Variants in SYNPO2 observed in about 807,000 individuals in gnomAD.
SYNPO2 encodes synaptopodin-2.
A neutral mutation model predicts 85.0 loss-of-function variants in SYNPO2; 56 were observed. The observed-to-expected ratio is 0.66, with a 90% CI of 0.53 to 0.82. The LOEUF is 0.82. SYNPO2 is among the 40% of genes least tolerant of loss of function. SYNPO2 has a pLI of 0.00. For synonymous variants in SYNPO2, 602 were observed against 591.1 expected (o/e 1.02, Z -0.27); for missense variants, 1,575 against 1,534.2 (o/e 1.03, Z -0.44).
intron 1 of SYNPO2, among the ~76,000 whole-genome samples, chr4:118,930,505 G>T (rs1410898294): frequency 1.3e-5 from 2 of 152,038 alleles, no homozygotes; most frequent in African/African-American, 2.4e-5. Flanking sequence ...CATGGTACAG[G>T]GTTTTTCCTA....
rs114735976 is a variant in SYNPO2 at position 118,933,756 on chromosome 4, A to G, written c.105+44615A>G. On this transcript the variant is annotated intron_variant, in intron 1 of 4. Coordinates refer to ENST00000307142, the MANE Select transcript of SYNPO2 (RefSeq NM_133477.3). ...TCAAGAAATTATTTAAGCAGTTAAT[A>G]TAATCTGTTCACGAGGTCATTAACA... Among the ~76,000 whole-genome samples the G allele has an allele frequency of 7.4e-3, 1,120 of 151,390 alleles. 17 individuals carry two copies. The highest frequency in any genetic ancestry group is 0.026 in the African/African-American group (1,062 of 41,324).
chr4:119,001,462 C>A (rs1324702271), intron 1 of SYNPO2, among the ~76,000 whole-genome samples: 1 of 152,138 alleles, frequency 6.6e-6, no homozygotes, highest in Non-Finnish European at 1.5e-5. Flanking sequence ...CCTTCATGTC[C>A]ATAGCACATA....
chr4:118,901,147 A>G (rs943193073), intron 1 of SYNPO2, among the ~76,000 whole-genome samples: 2 of 152,060 alleles, frequency 1.3e-5, no homozygotes, highest in Non-Finnish European at 2.9e-5. Context: ...TTGTTGCCAT[A>G]TTGTATTATT....
At chr4:119,035,651 C>T in intron 4 of SYNPO2, 1 of 985,184 alleles carries the variant, frequency 1.0e-6, no homozygotes, top group Non-Finnish European at 1.2e-6. Flanking sequence ...TTATTTTAGC[C>T]ATAGGAAAAC....
intron 1 of SYNPO2, among the ~76,000 whole-genome samples, chr4:119,018,372 A>T (rs1191557059): frequency 6.6e-6 from 1 of 152,084 alleles, no homozygotes; most frequent in African/African-American, 2.4e-5. Flanking sequence ...TTGATTCCAT[A>T]TCTTGGCTAT....
chr4:118,959,507 A>G (rs1039079900), intron 1 of SYNPO2, among the ~76,000 whole-genome samples: 4 of 152,212 alleles, frequency 2.6e-5, no homozygotes, highest in African/African-American at 9.6e-5. Flanking sequence ...TTCCAATCCT[A>G]ACGCAGTTAA....
At chr4:119,007,052 G>T (rs1737056757) in intron 1 of SYNPO2, among the ~76,000 whole-genome samples, 1 of 150,198 alleles carries the variant, frequency 6.7e-6, no homozygotes, top group Admixed American at 6.7e-5. Flanking sequence ...TTGGCTCTTT[G>T]TACCAGGTAG....
chr4:118,977,089 G>C (rs563125813), intron 1 of SYNPO2, among the ~76,000 whole-genome samples: 10 of 152,206 alleles, frequency 6.6e-5, no homozygotes, highest in Admixed American at 1.3e-4. Flanking sequence ...ACTGGGCGCC[G>C]TGGAGCAGGG....
chr4:118,959,353 T>G (rs984343500), intron 1 of SYNPO2, among the ~76,000 whole-genome samples: 6 of 152,206 alleles, frequency 3.9e-5, no homozygotes, highest in African/African-American at 1.4e-4. Flanking sequence ...CTTTGTAGGC[T>G]TGAGAATGAA....
chr4:119,032,146 C>T, intron 4 of SYNPO2, 119 bp downstream of exon 4: 1 of 1,494,438 alleles, frequency 6.7e-7, no homozygotes, highest in East Asian at 2.5e-5. Context: ...GCAAAGTCCT[C>T]AACTTACTTA....
intron 1 of SYNPO2, among the ~76,000 whole-genome samples, chr4:118,985,593 A>C (rs183132172): frequency 6.6e-6 from 1 of 152,360 alleles, no homozygotes; most frequent in Admixed American, 6.5e-5. Flanking sequence ...TAATAGAGTT[A>C]ATGTCAAAAG....
At chr4:118,870,221 G>A (rs887494372) in intron 1 of SYNPO2, among the ~76,000 whole-genome samples, 1 of 152,226 alleles carries the variant, frequency 6.6e-6, no homozygotes, top group Non-Finnish European at 1.5e-5. Context: ...CAGGAAGCCT[G>A]CTGCACTAGC....
At chr4:118,855,558 T>A (rs895714189) in intron 1 of SYNPO2, among the ~76,000 whole-genome samples, 3 of 152,132 alleles carry the variant, frequency 2.0e-5, no homozygotes, top group Non-Finnish European at 4.4e-5. Context: ...AAGAGAATAA[T>A]CAATTGAAGG....
At chr4:118,918,513 T>TG (rs1204108627) in intron 1 of SYNPO2, among the ~76,000 whole-genome samples, 1 of 152,206 alleles carries the variant, frequency 6.6e-6, no homozygotes, top group African/African-American at 2.4e-5. Flanking sequence ...CAGTTGTTTC[T>TG]TTTTTCCTTT....
Position 119,058,060 on chromosome 4 carries a change from A to T in SYNPO2, c.*126A>T. ...CTTGGCTTGTTCTCATAAGTCATTT[A>T]TCTAAGTTTGTGTTTCTGTGTGTGT... On this transcript the variant is annotated 3_prime_UTR_variant, in exon 5 of 5. Transcript: ENST00000307142. The T allele has an allele frequency of 9.6e-7, 1 of 1,037,588 alleles. No individual in the cohort carries two copies. 64.3% of individuals were successfully genotyped at this position (1,037,588 alleles called of 1,614,324 possible).
At chr4:118,934,932 C>T (rs1734052020) in intron 1 of SYNPO2, among the ~76,000 whole-genome samples, 1 of 152,184 alleles carries the variant, frequency 6.6e-6, no homozygotes, top group Non-Finnish European at 1.5e-5. Context: ...CCCTTTTTAG[C>T]CACAGAAAGT....
chr4:118,911,277 G>T (rs143322597), intron 1 of SYNPO2, among the ~76,000 whole-genome samples: 2 of 152,236 alleles, frequency 1.3e-5, no homozygotes, highest in Non-Finnish European at 2.9e-5. Flanking sequence ...CTATGCCTAG[G>T]TCCATTATCA....
At chr4:118,961,505 G>A (rs577339443) in intron 1 of SYNPO2, among the ~76,000 whole-genome samples, 5 of 152,256 alleles carry the variant, frequency 3.3e-5, no homozygotes, top group East Asian at 1.9e-4. Flanking sequence ...TCAGGTGTCC[G>A]TTCAAATAGT....
chr4:118,903,331 T>C (rs1342328067), intron 1 of SYNPO2, among the ~76,000 whole-genome samples: 1 of 152,208 alleles, frequency 6.6e-6, no homozygotes, highest in Admixed American at 6.5e-5. Context: ...CTCTTTCTCT[T>C]TCTGTGTACC....
Sources: gnomAD v4.1 joint callset for allele counts (sites outside exome capture counted in the v4.1 genomes callset) on GRCh38, gnomAD v4.1.1 for gene constraint, MANE v1.5 for transcripts, NCBI Gene and HGNC (gene_info 2026-07-23, HGNC 2026-07-21) for gene names.